Variants in TNFSF4 observed in about 807,000 individuals in gnomAD.
The protein encoded by TNFSF4 is tumor necrosis factor ligand superfamily member 4.
In TNFSF4, 4 loss-of-function variants were observed where a neutral mutation model predicts 7.3. That is an observed-to-expected ratio of 0.55 (90% CI 0.27 to 1.25). The LOEUF (loss-of-function observed/expected upper bound fraction) is 1.25. Ranked by LOEUF, TNFSF4 falls within the 50% of genes most tolerant of loss-of-function variation. The pLI is 0.12. For missense variants in TNFSF4, 181 were observed against 208.8 expected, an observed-to-expected ratio of 0.87 and a Z score of 0.82; for synonymous variants, 76 against 83.7, an observed-to-expected ratio of 0.91 and a Z score of 0.50.
chr1:173,321,436 A>C, the TNFSF4 span, among the ~76,000 whole-genome samples: 1 of 152,204 alleles, frequency 6.6e-6, no homozygotes, highest in East Asian at 1.9e-4. Flanking sequence ...TTCATGACTA[A>C]AACACCAAAA....
chr1:173,223,566 A>C, the TNFSF4 span, among the ~76,000 whole-genome samples: 1 of 152,224 alleles, frequency 6.6e-6, no homozygotes, highest in Non-Finnish European at 1.5e-5. Flanking sequence ...AGTTCACTGG[A>C]AGAGACGAAT....
the TNFSF4 span, among the ~76,000 whole-genome samples, chr1:173,419,174 C>T: frequency 6.6e-6 from 1 of 151,834 alleles, no homozygotes; most frequent in Non-Finnish European, 1.5e-5. Context: ...CCCATCTCTA[C>T]CAAAAAAATA....
At chr1:173,364,412 C>CACAT in the TNFSF4 span, among the ~76,000 whole-genome samples, 1 of 146,214 alleles carries the variant, frequency 6.8e-6, no homozygotes, top group African/African-American at 2.5e-5. Flanking sequence ...TACACACACA[C>CACAT]ATATATATAC....
At chr1:173,448,179 G>T in the TNFSF4 span, among the ~76,000 whole-genome samples, 1 of 152,152 alleles carries the variant, frequency 6.6e-6, no homozygotes, top group African/African-American at 2.4e-5. Flanking sequence ...TGGAGACTTT[G>T]ACTTTCCTCT....
chr1:173,361,694 A>G, the TNFSF4 span, among the ~76,000 whole-genome samples: 1 of 152,200 alleles, frequency 6.6e-6, no homozygotes, highest in African/African-American at 2.4e-5. Flanking sequence ...TGGTTGAGAC[A>G]CATATTTACC....
chr1:173,334,457 A>C, the TNFSF4 span, among the ~76,000 whole-genome samples: 2 of 152,212 alleles, frequency 1.3e-5, no homozygotes, highest in Non-Finnish European at 1.5e-5. Flanking sequence ...AATAATGTGA[A>C]AGCTTCTATA....
At chr1:173,419,834 G>C in the TNFSF4 span, among the ~76,000 whole-genome samples, 1 of 152,042 alleles carries the variant, frequency 6.6e-6, no homozygotes, top group Admixed American at 6.5e-5. Context: ...ATTAACTATA[G>C]CTCCTAGAGC....
At chr1:173,217,439 A>G in the TNFSF4 span, among the ~76,000 whole-genome samples, 1 of 152,218 alleles carries the variant, frequency 6.6e-6, no homozygotes, top group African/African-American at 2.4e-5. Context: ...TTTAGCTCCT[A>G]TCTTTCATTT....
At chr1:173,268,235 A>G in the TNFSF4 span, among the ~76,000 whole-genome samples, 3 of 152,158 alleles carry the variant, frequency 2.0e-5, no homozygotes, top group East Asian at 5.8e-4. Context: ...CAACTGAAGG[A>G]GAAAAAACAG....
the TNFSF4 span, among the ~76,000 whole-genome samples, chr1:173,446,358 C>A: frequency 6.6e-6 from 1 of 152,210 alleles, no homozygotes; most frequent in African/African-American, 2.4e-5. Flanking sequence ...GAGTTAAAAA[C>A]ATATGTCCAC....
chr1:173,240,387 T>A, the TNFSF4 span, among the ~76,000 whole-genome samples: 1 of 152,230 alleles, frequency 6.6e-6, no homozygotes, highest in South Asian at 2.1e-4. Context: ...AGAGATATTT[T>A]TAAAATATAT....
chr1:173,365,752 CTCTT>C, the TNFSF4 span, among the ~76,000 whole-genome samples: 2 of 151,988 alleles, frequency 1.3e-5, no homozygotes, highest in African/African-American at 4.8e-5. Flanking sequence ...TGAAATTTAC[CTCTT>C]TCTATTAATG....
chr1:173,401,047 C>T, the TNFSF4 span, among the ~76,000 whole-genome samples: 1 of 151,830 alleles, frequency 6.6e-6, no homozygotes, highest in Non-Finnish European at 1.5e-5. Flanking sequence ...TATATATTTG[C>T]TTTCTTTCCT....
At chr1:173,416,327 C>T in the TNFSF4 span, among the ~76,000 whole-genome samples, 4 of 152,164 alleles carry the variant, frequency 2.6e-5, no homozygotes, top group Non-Finnish European at 5.9e-5. Flanking sequence ...CCTGAGTAGG[C>T]AGCAGCGTGG....
chr1:173,373,290 C>A, the TNFSF4 span, among the ~76,000 whole-genome samples: 1 of 152,160 alleles, frequency 6.6e-6, no homozygotes, highest in African/African-American at 2.4e-5. Flanking sequence ...AGAAGGAAAC[C>A]ATCGGGCAGA....
the TNFSF4 span, among the ~76,000 whole-genome samples, chr1:173,323,392 C>T: frequency 1.3e-5 from 2 of 152,044 alleles, no homozygotes; most frequent in Admixed American, 6.6e-5. Context: ...CTGTACATCA[C>T]CATCATCAAA....
chr1:173,226,273 A>T, the TNFSF4 span, among the ~76,000 whole-genome samples: 2 of 152,296 alleles, frequency 1.3e-5, no homozygotes, highest in South Asian at 2.1e-4. Flanking sequence ...ATTTACTGGC[A>T]GTTGGGTATG....
the TNFSF4 span, among the ~76,000 whole-genome samples, chr1:173,318,726 A>T: frequency 1.3e-5 from 2 of 152,222 alleles, no homozygotes; most frequent in Admixed American, 1.3e-4. Context: ...GGCTATATGT[A>T]TCAAAAGACT....
At chr1:173,402,888 C>A in the TNFSF4 span, among the ~76,000 whole-genome samples, 1 of 151,932 alleles carries the variant, frequency 6.6e-6, no homozygotes, top group Admixed American at 6.5e-5. Context: ...GGGTCTCACT[C>A]TGCATCCAGG....
Sources: gnomAD v4.1 joint callset for allele counts (sites outside exome capture counted in the v4.1 genomes callset) on GRCh38, gnomAD v4.1.1 for gene constraint, MANE v1.5 for transcripts, NCBI Gene and HGNC (gene_info 2026-07-23, HGNC 2026-07-21) for gene names.